Variants in SCIN observed in about 807,000 individuals in gnomAD.
SCIN encodes scinderin.
SCIN carries 91 observed loss-of-function variants against 91.8 expected under a neutral mutation model. The ratio of observed to expected loss-of-function variants is 0.99; its 90% confidence interval spans 0.84 to 1.18. SCIN has a LOEUF of 1.18. SCIN is among the 50% of genes most tolerant of loss of function. The pLI is 0.00. For synonymous variants in SCIN, 367 were observed against 312.6 expected (o/e 1.17, Z -1.84); for missense variants, 1,087 against 863.9 (o/e 1.26, Z -3.24).
At chr7:12,596,060 C>T (rs776953797) in intron 3 of SCIN, among the ~76,000 whole-genome samples, 6 of 152,150 alleles carry the variant, frequency 3.9e-5, no homozygotes, top group Admixed American at 6.5e-5. Flanking sequence ...AAGAAAGGAA[C>T]GTATGCTTGG....
At chr7:12,601,572 C>T (rs1782958803) in intron 3 of SCIN, among the ~76,000 whole-genome samples, 1 of 151,960 alleles carries the variant, frequency 6.6e-6, no homozygotes, top group African/African-American at 2.4e-5. Context: ...TCTACCAGTC[C>T]ACCTCTCCTT....
intron 14 of SCIN, 136 bp downstream of exon 14, chr7:12,649,680 T>C: frequency 2.1e-6 from 1 of 468,438 alleles, no homozygotes; most frequent in Non-Finnish European, 3.7e-6. Flanking sequence ...CACACACACA[T>C]TTGGTAAAAA....
chr7:12,583,857 A>C (rs922988670), intron 3 of SCIN, among the ~76,000 whole-genome samples: 2 of 152,104 alleles, frequency 1.3e-5, no homozygotes, highest in African/African-American at 4.8e-5. Context: ...AATTATTTTT[A>C]TTTTATATAG....
Position 12,640,527 on chromosome 7 carries a change from T to C in SCIN, c.1581+10T>C. The C allele has an allele frequency of 6.3e-7, 1 of 1,599,830 alleles. No individual in the cohort carries two copies. ...CACCAGAATTGTGGAGGTAATGTCA[T>C]GCATTCCATAAAACATGCCCTAGTT... On this transcript the variant is annotated intron_variant, in intron 11 of 15. Coordinates refer to ENST00000297029, the MANE Select transcript of SCIN (RefSeq NM_001112706.3).
intron 4 of SCIN, among the ~76,000 whole-genome samples, chr7:12,606,801 A>T (rs1245121653): frequency 6.6e-6 from 1 of 152,210 alleles, no homozygotes; most frequent in Non-Finnish European, 1.5e-5. Context: ...AAAAAAGTCC[A>T]TTTAAAAAAT....
intron 1 of SCIN, among the ~76,000 whole-genome samples, chr7:12,575,181 G>A (rs564994224): frequency 6.6e-6 from 1 of 150,884 alleles, no homozygotes; most frequent in South Asian, 2.1e-4. Context: ...TTGTATTACT[G>A]ATGAATCTTG....
chr7:12,576,556 T>C (rs1311743400), intron 1 of SCIN, among the ~76,000 whole-genome samples: 1 of 152,216 alleles, frequency 6.6e-6, no homozygotes, highest in Non-Finnish European at 1.5e-5. Context: ...TTCTAAGCTT[T>C]TATGCATCAG....
Position 12,651,533 on chromosome 7 carries a change from T to G in SCIN, c.1960-308T>G, listed in dbSNP as rs1162881597. 6.6e-6 allele frequency among the ~76,000 whole-genome samples: 1 copy of G among 150,406 alleles called. No homozygotes were observed. Reference sequence around the variant, plus strand: ...CTAGGGGGTGGATGAAAAAAAAAAGTCCACCCAGACAATCTGTTTTTTTTT... The same window carrying G: ...CTAGGGGGTGGATGAAAAAAAAAAGGCCACCCAGACAATCTGTTTTTTTTT... On this transcript the variant is annotated intron_variant, in intron 14 of 15. Coordinates refer to ENST00000297029, the MANE Select transcript of SCIN (RefSeq NM_001112706.3). The surrounding 1 kb of genome is among the most constrained non-coding windows in gnomAD (Gnocchi z 5.9).
intron 4 of SCIN, among the ~76,000 whole-genome samples, chr7:12,608,325 A>ACACACG (rs1025658315): frequency 6.7e-6 from 1 of 148,332 alleles, no homozygotes; most frequent in African/African-American, 2.5e-5. Context: ...ACACATGCAC[A>ACACACG]CACACACACA....
chr7:12,593,997 C>A (rs187691784), intron 3 of SCIN, among the ~76,000 whole-genome samples: 1 of 152,188 alleles, frequency 6.6e-6, no homozygotes, highest in Non-Finnish European at 1.5e-5. Context: ...GAGAAGGACC[C>A]GAGACGTTCT....
intron 4 of SCIN, among the ~76,000 whole-genome samples, chr7:12,606,951 C>T (rs1274727119): frequency 6.6e-6 from 1 of 152,158 alleles, no homozygotes; most frequent in African/African-American, 2.4e-5. Context: ...GAGATGGGAT[C>T]AACCATGTAA....
chr7:12,588,455 G>A (rs894001039), intron 3 of SCIN, among the ~76,000 whole-genome samples: 1 of 152,078 alleles, frequency 6.6e-6, no homozygotes, highest in African/African-American at 2.4e-5. Context: ...AAGGTTAGCC[G>A]AGAGAAAGGA....
At chr7:12,626,000 C>G in intron 7 of SCIN, 150 bp downstream of exon 7, 1 of 582,048 alleles carries the variant, frequency 1.7e-6, no homozygotes, top group Non-Finnish European at 3.0e-6. Flanking sequence ...TGGTGTCCCT[C>G]TTCTTTATCT....
intron 15 of SCIN, among the ~76,000 whole-genome samples, 193 bp from the exon 16 acceptor site, chr7:12,652,395 A>G (rs972278537): frequency 5.3e-5 from 8 of 152,198 alleles, no homozygotes; most frequent in Admixed American, 1.3e-4. Flanking sequence ...GTATTTGTCT[A>G]CCTGGTCAAT....
intron 4 of SCIN, among the ~76,000 whole-genome samples, chr7:12,611,732 A>G (rs563288344): frequency 6.6e-6 from 1 of 152,240 alleles, no homozygotes; most frequent in Admixed American, 6.5e-5. Flanking sequence ...AAAGAGTCTA[A>G]GGCTTTATAG....
At chr7:12,611,574 G>A (rs904805949) in intron 4 of SCIN, among the ~76,000 whole-genome samples, 9 of 152,154 alleles carry the variant, frequency 5.9e-5, no homozygotes, top group South Asian at 2.1e-4. Context: ...TTTCTGGGGC[G>A]TGACCTTTGA....
rs1784128211 is a variant in SCIN at position 12,653,903 on chromosome 7, C to T, written c.*1188C>T. On this transcript the variant is annotated 3_prime_UTR_variant, in exon 16 of 16. Transcript: ENST00000297029. The surrounding 1 kb of genome is among the most constrained non-coding windows in gnomAD (Gnocchi z 4.1). The stretch of plus-strand genomic sequence containing the variant: ...TATCGCAGTTACCCTGATTCTATTC[C>T]ATTCCATTCTATTCTATTCTATTAT... 2 of 152,310 alleles carry T rather than the reference C, an allele frequency of 1.3e-5. No homozygotes were observed. Among genetic ancestry groups the T allele is most frequent in the South Asian group, 2.1e-4 (1 of 4,820 alleles). 9.4% of individuals were successfully genotyped at this position (152,310 alleles called of 1,614,324 possible).
At chr7:12,571,142 C>G (rs1782261932) in intron 1 of SCIN, 157 bp downstream of exon 1, 1 of 811,172 alleles carries the variant, frequency 1.2e-6, no homozygotes, top group Non-Finnish European at 1.9e-6. Context: ...GCCACTTTCT[C>G]CCTACCGAAG....
At chr7:12,628,028 C>CGTGTGTGTGTGTGT (rs1215262855) in intron 8 of SCIN, among the ~76,000 whole-genome samples, 6 of 71,114 alleles carry the variant, frequency 8.4e-5, no homozygotes, top group African/African-American at 3.6e-4. Context: ...GGCAAGTGTG[C>CGTGTGTGTGTGTGT]GCGCGTGTGT....
Sources: allele counts gnomAD v4.1 joint callset (sites outside exome capture counted in the v4.1 genomes callset), GRCh38; gene constraint gnomAD v4.1.1; non-coding constraint Gnocchi (gnomAD v3.1); transcripts MANE v1.5; gene names NCBI Gene and HGNC (gene_info 2026-07-23, HGNC 2026-07-21).